The following MTUS2 variants were observed in gnomAD, a reference collection of about 807,000 sequenced individuals.
MTUS2 encodes the protein microtubule associated scaffold protein 2.
A neutral mutation model predicts 114.1 loss-of-function variants in MTUS2; 40 were observed. The ratio of observed to expected loss-of-function variants is 0.35; its 90% CI spans 0.27 to 0.46. The LOEUF is 0.46. Among genes scored for constraint, MTUS2 ranks in the 20% least tolerant of loss-of-function variants. The pLI is 1.00. For missense variants in MTUS2, 1,679 were observed against 1,705.4 expected, an observed-to-expected ratio of 0.98 and a Z score of 0.27; for synonymous variants, 688 against 672.0, an observed-to-expected ratio of 1.02 and a Z score of -0.37.
intron 5 of MTUS2, among the ~76,000 whole-genome samples, chr13:29,152,785 T>C (rs907692227): frequency 6.6e-6 from 1 of 151,980 alleles, no homozygotes; most frequent in Non-Finnish European, 1.5e-5. Context: ...ACATCCCATA[T>C]GTTCTGTTGT....
intron 2 of MTUS2, among the ~76,000 whole-genome samples, chr13:28,898,789 A>G (rs570495221): frequency 4.3e-4 from 65 of 152,334 alleles, no homozygotes; most frequent in African/African-American, 1.5e-3. Context: ...AAATAATATC[A>G]TGTAATGGGC....
chr13:29,042,049 T>C (rs1021802519), intron 4 of MTUS2, among the ~76,000 whole-genome samples: 1 of 152,220 alleles, frequency 6.6e-6, no homozygotes, highest in African/African-American at 2.4e-5. Context: ...GTTCCAGTTC[T>C]CAGAGGGAAT....
chr13:29,084,525 C>T (rs1329227412), intron 4 of MTUS2, among the ~76,000 whole-genome samples: 2 of 56,220 alleles, frequency 3.6e-5, no homozygotes, highest in Non-Finnish European at 9.1e-5. Flanking sequence ...CTCCCCTCCC[C>T]TCTCCCCCCC....
chr13:29,435,128 T>C (rs1325044731), intron 8 of MTUS2, among the ~76,000 whole-genome samples: 1 of 152,048 alleles, frequency 6.6e-6, no homozygotes, highest in Non-Finnish European at 1.5e-5. Context: ...ATGAAAGAGG[T>C]AGCTAAGAAG....
chr13:29,366,566 G>C (rs758596264), intron 8 of MTUS2, among the ~76,000 whole-genome samples: 4 of 152,158 alleles, frequency 2.6e-5, no homozygotes, highest in South Asian at 4.1e-4. Flanking sequence ...CCTTCCTCAG[G>C]GGGTAGAGTA....
intron 1 of MTUS2, among the ~76,000 whole-genome samples, chr13:28,828,509 T>C (rs575604723): frequency 1.4e-4 from 22 of 152,324 alleles, no homozygotes; most frequent in Admixed American, 9.2e-4. Context: ...TCTTCAGAGA[T>C]TGCAGTAAAG....
intron 5 of MTUS2, among the ~76,000 whole-genome samples, chr13:29,252,861 T>C (rs1437247910): frequency 6.6e-6 from 1 of 152,256 alleles, no homozygotes; most frequent in East Asian, 1.9e-4. Context: ...CCTTTTGCCA[T>C]GATTGTGAGG....
chr13:28,854,588 C>CAAAA (rs1314749032), intron 2 of MTUS2, among the ~76,000 whole-genome samples: 2 of 152,172 alleles, frequency 1.3e-5, no homozygotes, highest in African/African-American at 4.8e-5. Flanking sequence ...GATCTTTAAA[C>CAAAA]TTTTGCTCAT....
chr13:28,863,855 A>G (rs538703943), intron 2 of MTUS2, among the ~76,000 whole-genome samples: 1 of 151,876 alleles, frequency 6.6e-6, no homozygotes, highest in East Asian at 1.9e-4. Flanking sequence ...GCACCACCAC[A>G]CTTGGCTAAT....
At chr13:28,907,395 C>G (rs12429209) in intron 2 of MTUS2, among the ~76,000 whole-genome samples, 9 of 151,556 alleles carry the variant, frequency 5.9e-5, no homozygotes, top group Admixed American at 5.9e-4. Context: ...CAAATTCACA[C>G]ATAACAATAT....
chr13:29,174,320 C>T (rs1323875475), intron 5 of MTUS2, among the ~76,000 whole-genome samples: 1 of 152,052 alleles, frequency 6.6e-6, no homozygotes, highest in Non-Finnish European at 1.5e-5. Context: ...AAGGAGGGTC[C>T]CCTGGCAGTT....
At chr13:28,903,402 A>G (rs1319511847) in intron 2 of MTUS2, among the ~76,000 whole-genome samples, 2 of 131,442 alleles carry the variant, frequency 1.5e-5, no homozygotes, top group African/African-American at 2.8e-5. Flanking sequence ...TCCTAATGCT[A>G]TCCCTCCCCC....
intron 4 of MTUS2, among the ~76,000 whole-genome samples, chr13:29,094,823 T>C (rs1356750834): frequency 6.6e-6 from 1 of 152,090 alleles, no homozygotes; most frequent in Non-Finnish European, 1.5e-5. Flanking sequence ...TTTACAGTTA[T>C]AATTTTCCTT....
At chr13:29,238,774 C>A (rs1194904258) in intron 5 of MTUS2, among the ~76,000 whole-genome samples, 1 of 152,168 alleles carries the variant, frequency 6.6e-6, no homozygotes, top group African/African-American at 2.4e-5. Context: ...TCCTTCAATC[C>A]AATCAAGTTG....
chr13:29,424,005 C>T (rs1876315478), intron 8 of MTUS2, among the ~76,000 whole-genome samples: 1 of 149,998 alleles, frequency 6.7e-6, no homozygotes, highest in African/African-American at 2.5e-5. Flanking sequence ...GCTGGGATTA[C>T]AGGTGCCTGC....
chr13:29,298,702 T>G (rs1305302515), intron 6 of MTUS2, among the ~76,000 whole-genome samples: 1 of 152,218 alleles, frequency 6.6e-6, no homozygotes, highest in Non-Finnish European at 1.5e-5. Flanking sequence ...GGAATTGTGG[T>G]CCTAGGTGAT....
At chr13:29,476,051 G>C (rs941998973) in intron 9 of MTUS2, among the ~76,000 whole-genome samples, 19 of 152,110 alleles carry the variant, frequency 1.2e-4, no homozygotes, top group Non-Finnish European at 4.4e-5. Flanking sequence ...CTTTTATACC[G>C]TATTTTAACT....
chr13:29,026,697 C>T lies in MTUS2; in HGVS notation c.1999C>T (p.Leu667Phe). Residue 667 changes from leucine to phenylalanine, a missense_variant, in exon 3 of 16, where the codon CTT becomes TTT. Around this residue, in one of 3 missense-constraint regions of MTUS2, gnomAD observed 822 missense variants for 899.7 expected, o/e 0.91. Transcript: ENST00000612955. ...QVDASLVPVG[L>F]PYAPPTCTMP... ...GGACGCCTCGCTGGTTCCAGTGGGG[C>T]TTCCATATGCCCCGCCCACATGTAC... 6.2e-7 allele frequency: 1 copy of T among 1,614,016 alleles called. No individual in the cohort carries two copies. The highest frequency in any genetic ancestry group is 2.2e-5 in the East Asian group (1 of 44,878).
At chr13:29,390,985 A>G (rs770076643) in intron 8 of MTUS2, among the ~76,000 whole-genome samples, 1 of 151,522 alleles carries the variant, frequency 6.6e-6, no homozygotes, top group Non-Finnish European at 1.5e-5. Context: ...GTTTCACCAT[A>G]TTGGTCGGGC....
Sources: allele counts gnomAD v4.1 joint callset (sites outside exome capture counted in the v4.1 genomes callset), GRCh38; gene constraint gnomAD v4.1.1; regional missense constraint gnomAD v4.1.1; transcripts MANE v1.5; gene names NCBI Gene and HGNC (gene_info 2026-07-23, HGNC 2026-07-21).